CMSS1: variants seen among roughly 807,000 people sequenced by gnomAD.
The protein encoded by CMSS1 is cms1 ribosomal small subunit homolog.
CMSS1 carries 33 observed loss-of-function variants against 43.5 expected under a neutral mutation model. That is an observed-to-expected ratio of 0.76 (90% confidence interval 0.57 to 1.01). The LOEUF is 1.01. Among genes scored for constraint, CMSS1 ranks in the 50% least tolerant of loss-of-function variants. CMSS1 has a pLI of 0.00. For missense variants in CMSS1, 313 were observed against 326.4 expected (o/e 0.96, Z 0.32); for synonymous variants, 115 against 117.2 (o/e 0.98, Z 0.12).
chr3:99,906,332 G>A (rs1424566932), intron 1 of CMSS1, among the ~76,000 whole-genome samples: 1 of 152,026 alleles, frequency 6.6e-6, no homozygotes, highest in Non-Finnish European at 1.5e-5. Flanking sequence ...TTCTCTTTAA[G>A]GCCCCTTCAA....
intron 1 of CMSS1, among the ~76,000 whole-genome samples, chr3:100,051,010 G>A (rs1354796752): frequency 6.6e-6 from 1 of 152,042 alleles, no homozygotes; most frequent in African/African-American, 2.4e-5. Flanking sequence ...GTTTCTTCTT[G>A]CAAACAATCT....
At chr3:99,973,036 T>C (rs1477067032) in intron 1 of CMSS1, among the ~76,000 whole-genome samples, 1 of 152,160 alleles carries the variant, frequency 6.6e-6, no homozygotes, top group Admixed American at 6.5e-5. Context: ...TCCCCTTTTA[T>C]CTGTTCACAA....
At chr3:99,880,074 C>T (rs1047599996) in intron 1 of CMSS1, among the ~76,000 whole-genome samples, 1 of 152,148 alleles carries the variant, frequency 6.6e-6, no homozygotes, top group Non-Finnish European at 1.5e-5. Flanking sequence ...TTCTACTCTC[C>T]GATCCCTTCT....
chr3:99,876,592 G>C (rs1705536859), intron 1 of CMSS1, among the ~76,000 whole-genome samples: 1 of 152,188 alleles, frequency 6.6e-6, no homozygotes, highest in Non-Finnish European at 1.5e-5. Context: ...GTAGGCGGGA[G>C]AGGGAAAGGA....
At chr3:100,071,459 T>C (rs567244790) in intron 1 of CMSS1, among the ~76,000 whole-genome samples, 1 of 152,276 alleles carries the variant, frequency 6.6e-6, no homozygotes, top group South Asian at 2.1e-4. Flanking sequence ...TAGATACTGT[T>C]TCCTCTTCCT....
At chr3:100,016,867 T>C (rs971918138) in intron 1 of CMSS1, among the ~76,000 whole-genome samples, 10 of 152,370 alleles carry the variant, frequency 6.6e-5, no homozygotes, top group African/African-American at 2.2e-4. Context: ...GTCTATGTTA[T>C]CTAATGGCAA....
intron 1 of CMSS1, among the ~76,000 whole-genome samples, chr3:99,887,216 G>A (rs1236568300): frequency 2.0e-5 from 3 of 151,424 alleles, no homozygotes; most frequent in South Asian, 2.1e-4. Context: ...GCGGTTAGCC[G>A]AGATTGAGCC....
chr3:99,869,006 T>C (rs1018505647), intron 1 of CMSS1, among the ~76,000 whole-genome samples: 2 of 152,196 alleles, frequency 1.3e-5, no homozygotes, highest in African/African-American at 2.4e-5. Context: ...CTGTGCATAC[T>C]TGACCAAATG....
chr3:99,887,170 A>G (rs1270713432), intron 1 of CMSS1, among the ~76,000 whole-genome samples: 1 of 151,866 alleles, frequency 6.6e-6, no homozygotes, highest in Non-Finnish European at 1.5e-5. Context: ...TCGAGAGGCT[A>G]ACAGGAGAAT....
chr3:99,895,537 A>G (rs1176442740), intron 1 of CMSS1, among the ~76,000 whole-genome samples: 2 of 152,166 alleles, frequency 1.3e-5, no homozygotes, highest in African/African-American at 4.8e-5. Context: ...TGTTTGCTAG[A>G]TATAGTTTAG....
At chr3:99,946,241 G>A (rs1011821886) in intron 1 of CMSS1, among the ~76,000 whole-genome samples, 1 of 152,182 alleles carries the variant, frequency 6.6e-6, no homozygotes, top group Admixed American at 6.5e-5. Flanking sequence ...TATTGTGATT[G>A]ATAGCTTATA....
At chr3:100,001,198 A>T (rs1038882201) in intron 1 of CMSS1, among the ~76,000 whole-genome samples, 1 of 152,204 alleles carries the variant, frequency 6.6e-6, no homozygotes, top group Admixed American at 6.5e-5. Context: ...ACTTTGTCTC[A>T]GTTCACCTAT....
At chr3:100,001,646 C>T (rs1036240580) in intron 1 of CMSS1, among the ~76,000 whole-genome samples, 2 of 152,150 alleles carry the variant, frequency 1.3e-5, no homozygotes, top group Admixed American at 6.5e-5. Context: ...GTCTTCCTGT[C>T]AGGCAGGTCA....
intron 1 of CMSS1, among the ~76,000 whole-genome samples, chr3:99,880,455 T>A (rs1705685878): frequency 6.6e-6 from 1 of 152,118 alleles, no homozygotes; most frequent in Non-Finnish European, 1.5e-5. Flanking sequence ...GAATCTCTGG[T>A]CCCAGGCCTA....
At chr3:99,929,513 A>AGTGTGTGTGTGT (rs10629410) in intron 1 of CMSS1, among the ~76,000 whole-genome samples, 3 of 148,170 alleles carry the variant, frequency 2.0e-5, no homozygotes, top group African/African-American at 5.0e-5. Context: ...AAGTTCCCAG[A>AGTGTGTGTGTGT]GTGTGTGTGT....
intron 1 of CMSS1, among the ~76,000 whole-genome samples, chr3:99,919,379 G>A (rs890247919): frequency 2.0e-5 from 3 of 149,706 alleles, no homozygotes; most frequent in Non-Finnish European, 3.0e-5. Context: ...ATTCAGGATT[G>A]TATAGGTGAG....
intron 1 of CMSS1, among the ~76,000 whole-genome samples, chr3:99,880,562 T>C (rs1167552175): frequency 1.3e-5 from 2 of 152,192 alleles, no homozygotes; most frequent in Non-Finnish European, 2.9e-5. Context: ...CCTTGAGAAG[T>C]GATTACAGTA....
chr3:99,934,567 A>C (rs993442081), intron 1 of CMSS1, among the ~76,000 whole-genome samples: 5 of 152,204 alleles, frequency 3.3e-5, no homozygotes, highest in Admixed American at 2.6e-4. Context: ...TCATCAACTT[A>C]ATCTAGGATA....
intron 1 of CMSS1, among the ~76,000 whole-genome samples, chr3:100,064,806 T>A (rs531276164): frequency 1.3e-4 from 20 of 152,292 alleles, no homozygotes; most frequent in Admixed American, 7.2e-4. Flanking sequence ...AACAGCTAAT[T>A]TTTTAAGGAA....
Sources: allele counts gnomAD v4.1 joint callset (sites outside exome capture counted in the v4.1 genomes callset), GRCh38; gene constraint gnomAD v4.1.1; transcripts MANE v1.5; gene names NCBI Gene and HGNC (gene_info 2026-07-23, HGNC 2026-07-21).